SRGAP3: variants seen among roughly 807,000 people sequenced by gnomAD.
SRGAP3 encodes SLIT-ROBO Rho GTPase activating protein 3, also known as SLIT-ROBO Rho GTPase-activating protein 3.
Under a neutral mutation model 121.1 loss-of-function variants are expected in SRGAP3, and 39 were observed. The ratio of observed to expected loss-of-function variants is 0.32; its 90% CI spans 0.25 to 0.42. The LOEUF is 0.42. Among genes scored for constraint, SRGAP3 ranks in the 10% least tolerant of loss-of-function variants. The pLI is 1.00. For synonymous variants in SRGAP3, 601 were observed against 570.0 expected (o/e 1.05, Z -0.77); for missense variants, 1,213 against 1,470.6 (o/e 0.82, Z 2.86).
chr3:9,334,955 C>G (rs963664273), intron 1 of SRGAP3, among the ~76,000 whole-genome samples: 2 of 152,136 alleles, frequency 1.3e-5, no homozygotes, highest in Non-Finnish European at 2.9e-5. Flanking sequence ...GGGTAAGAGC[C>G]AGGCTGGAAA....
chr3:8,990,045 G>A (rs1010291262), intron 21 of SRGAP3, among the ~76,000 whole-genome samples: 1 of 152,170 alleles, frequency 6.6e-6, no homozygotes, highest in Non-Finnish European at 1.5e-5. Context: ...TAAACTGTAA[G>A]CTCCATGTGG....
chr3:9,196,298 G>A (rs553417607), intron 1 of SRGAP3, among the ~76,000 whole-genome samples: 6 of 152,264 alleles, frequency 3.9e-5, no homozygotes, highest in Middle Eastern at 6.8e-3. Flanking sequence ...CCATGGCTAC[G>A]GTGTGATTAA....
chr3:9,111,513 A>G (rs1948621934), intron 2 of SRGAP3, among the ~76,000 whole-genome samples: 1 of 152,154 alleles, frequency 6.6e-6, no homozygotes, highest in Admixed American at 6.5e-5. Context: ...GAGGAGGAAG[A>G]GGGTGAAGAG....
chr3:9,110,786 C>T lies in SRGAP3; in HGVS notation c.261-5944G>A, dbSNP rs148694070. ...AACTGTCCACAGCCAGGGTCAAGAGCTGCTCTGTAGAAAGCTAGCATGTGT... is the reference window on the plus strand; with the variant it reads ...AACTGTCCACAGCCAGGGTCAAGAGTTGCTCTGTAGAAAGCTAGCATGTGT... On this transcript the variant is annotated intron_variant, in intron 2 of 21. Transcript: ENST00000383836. Among the ~76,000 whole-genome samples the T allele has an allele frequency of 2.6e-3, 390 of 152,396 alleles. 2 individuals carry two copies. Among genetic ancestry groups the T allele is most frequent in the African/African-American group, 8.8e-3 (365 of 41,598 alleles).
intron 18 of SRGAP3, among the ~76,000 whole-genome samples, chr3:9,000,382 T>C (rs1176606782): frequency 6.6e-6 from 1 of 152,190 alleles, no homozygotes; most frequent in African/African-American, 2.4e-5. Flanking sequence ...TGGCTGCCCC[T>C]CCACAAAGCA....
intron 14 of SRGAP3, among the ~76,000 whole-genome samples, chr3:9,024,111 C>CA (rs775591585): frequency 3.9e-5 from 6 of 152,132 alleles, no homozygotes; most frequent in Admixed American, 6.5e-5. Context: ...GAGGTCTGCT[C>CA]AGAGTACAGC....
chr3:9,239,952 C>G lies in SRGAP3; in HGVS notation c.67+8933G>C, dbSNP rs1193450835. Among the ~76,000 whole-genome samples, 1 of 151,840 alleles carries G rather than the reference C, an allele frequency of 6.6e-6. No homozygotes were observed. The highest frequency in any genetic ancestry group is 1.5e-5 in the Non-Finnish European group (1 of 67,952). On this transcript the variant is annotated intron_variant, in intron 1 of 21. Coordinates refer to ENST00000383836, the MANE Select transcript of SRGAP3 (RefSeq NM_014850.4). This position sits in a 1 kb window ranked among gnomAD's most constrained non-coding sequence, Gnocchi z 4.0. The stretch of plus-strand genomic sequence containing the variant: ...AACTCAGAAAACAGAGTCTTGTGAC[C>G]CAGTCCATGAAAAATATCTACACAA...
At chr3:9,284,832 CAAAA>C (rs368751790) in intron 3 of SRGAP3, among the ~76,000 whole-genome samples, 121 of 111,434 alleles carry the variant, frequency 1.1e-3, no homozygotes, top group African/African-American at 3.7e-3. Flanking sequence ...GAGTCTGCCT[CAAAA>C]AAAAAAAAAA....
chr3:9,257,738 T>G (rs1574948825), intron 3 of SRGAP3, among the ~76,000 whole-genome samples: 1 of 128,058 alleles, frequency 7.8e-6, no homozygotes, highest in South Asian at 2.9e-4. Flanking sequence ...ACAGTCTCAC[T>G]CTGTCGTCCA....
At chr3:9,256,836 A>C (rs1362135980) in intron 3 of SRGAP3, 1 of 398,216 alleles carries the variant, frequency 2.5e-6, no homozygotes, top group African/African-American at 2.1e-5. Flanking sequence ...GGTGATGGAG[A>C]GTTAACTGGC....
intron 2 of SRGAP3, among the ~76,000 whole-genome samples, chr3:9,112,650 C>T (rs1948672399): frequency 6.6e-6 from 1 of 152,142 alleles, no homozygotes; most frequent in African/African-American, 2.4e-5. Flanking sequence ...GAGGGAGCAT[C>T]AGGGGACCCT....
At chr3:9,194,862 T>G (rs369694077) in intron 1 of SRGAP3, among the ~76,000 whole-genome samples, 21 of 152,324 alleles carry the variant, frequency 1.4e-4, no homozygotes, top group Admixed American at 1.0e-3. Context: ...CCATGTACCA[T>G]CCCTTGGCTG....
At chr3:9,331,403 T>C (rs963010430) in intron 1 of SRGAP3, among the ~76,000 whole-genome samples, 4 of 152,178 alleles carry the variant, frequency 2.6e-5, no homozygotes, top group Admixed American at 1.3e-4. Flanking sequence ...CAATTACATA[T>C]GCATGCATGC....
intron 1 of SRGAP3, among the ~76,000 whole-genome samples, chr3:9,220,960 G>T (rs912601456): frequency 1.3e-5 from 2 of 152,142 alleles, no homozygotes; most frequent in Non-Finnish European, 2.9e-5. Flanking sequence ...ATCCTCTCAG[G>T]TCCCACCTCT....
intron 1 of SRGAP3, among the ~76,000 whole-genome samples, chr3:9,148,304 A>C (rs926916311): frequency 3.3e-5 from 5 of 152,236 alleles, no homozygotes; most frequent in African/African-American, 1.2e-4. Flanking sequence ...TGTGCTAGGC[A>C]GAAAACAAGC....
At chr3:9,270,074 TTCTGGGTTC>T (rs1307542248) in intron 3 of SRGAP3, among the ~76,000 whole-genome samples, 1 of 152,140 alleles carries the variant, frequency 6.6e-6, no homozygotes, top group East Asian at 1.9e-4. Context: ...AAATTTTGCT[TTCTGGGTTC>T]TGCTGACATT....
At chr3:9,362,265 G>GCAACT (rs1293657048) in intron 1 of SRGAP3, among the ~76,000 whole-genome samples, 1 of 121,962 alleles carries the variant, frequency 8.2e-6, no homozygotes, top group Non-Finnish European at 1.6e-5. Flanking sequence ...TCCTGGGTAA[G>GCAACT]CAACTCTTCT....
chr3:9,362,312 G>C (rs1244994255), intron 1 of SRGAP3, among the ~76,000 whole-genome samples: 1 of 151,036 alleles, frequency 6.6e-6, no homozygotes, highest in Admixed American at 6.6e-5. Context: ...TACAGGTGCA[G>C]GCCACCACAT....
intron 10 of SRGAP3, among the ~76,000 whole-genome samples, chr3:9,039,149 G>A (rs945633398): frequency 1.1e-4 from 16 of 152,088 alleles, no homozygotes; most frequent in African/African-American, 2.2e-4. Flanking sequence ...TGTCCTTATC[G>A]TACCTGACCT....
Sources: allele counts gnomAD v4.1 joint callset (sites outside exome capture counted in the v4.1 genomes callset), GRCh38; gene constraint gnomAD v4.1.1; non-coding constraint Gnocchi (gnomAD v3.1); transcripts MANE v1.5; gene names NCBI Gene and HGNC (gene_info 2026-07-23, HGNC 2026-07-21).